Variants in TRERF1 observed in about 807,000 individuals in gnomAD.
The protein encoded by TRERF1 is transcriptional regulating factor 1, also known as transcriptional-regulating factor 1.
Under a neutral mutation model 122.9 loss-of-function variants are expected in TRERF1, and 27 were observed. The observed-to-expected ratio is 0.22, with a 90% CI of 0.16 to 0.30. The LOEUF (loss-of-function observed/expected upper bound fraction) is 0.30, where lower values mean the gene tolerates loss of function less well. Among genes scored for constraint, TRERF1 ranks in the 10% least tolerant of loss-of-function variants. TRERF1 has a pLI of 1.00. For synonymous variants in TRERF1, 636 were observed against 641.7 expected (o/e 0.99, Z 0.13); for missense variants, 1,248 against 1,560.3 (o/e 0.80, Z 3.37).
chr6:42,309,840 G>A (rs913359633), intron 3 of TRERF1, among the ~76,000 whole-genome samples: 4 of 152,100 alleles, frequency 2.6e-5, no homozygotes, highest in African/African-American at 9.7e-5. Flanking sequence ...AGGCTGGAGT[G>A]CAGTGGCATG....
chr6:42,358,323 T>C (rs899275834), intron 3 of TRERF1, among the ~76,000 whole-genome samples: 7 of 152,326 alleles, frequency 4.6e-5, no homozygotes, highest in Middle Eastern at 3.4e-3. Context: ...TCCTTCCTTA[T>C]AAAATAAATT....
intron 4 of TRERF1, among the ~76,000 whole-genome samples, chr6:42,295,504 A>G (rs2150186991): frequency 6.6e-6 from 1 of 152,132 alleles, no homozygotes; most frequent in East Asian, 1.9e-4. Flanking sequence ...GGCTTTCTAA[A>G]CCCCAGTTCC....
At chr6:42,309,554 C>CT (rs1787871688) in intron 3 of TRERF1, among the ~76,000 whole-genome samples, 1 of 152,162 alleles carries the variant, frequency 6.6e-6, no homozygotes, top group African/African-American at 2.4e-5. Flanking sequence ...AAGGTGTGGT[C>CT]TTTAGACCTG....
intron 3 of TRERF1, among the ~76,000 whole-genome samples, chr6:42,321,803 T>G (rs1348925641): frequency 3.3e-5 from 5 of 151,950 alleles, no homozygotes; most frequent in African/African-American, 1.2e-4. Flanking sequence ...AATTTTTAAA[T>G]GTTGGCTGTA....
intron 3 of TRERF1, among the ~76,000 whole-genome samples, chr6:42,301,958 G>A (rs1379687960): frequency 6.6e-6 from 1 of 152,198 alleles, no homozygotes; most frequent in African/African-American, 2.4e-5. Context: ...CAGGAGCTTT[G>A]GGAAAGTGTG....
At chr6:42,260,470 G>A (rs1777631240) in intron 8 of TRERF1, among the ~76,000 whole-genome samples, 1 of 152,108 alleles carries the variant, frequency 6.6e-6, no homozygotes, top group East Asian at 1.9e-4. Context: ...TCTGCCACAT[G>A]GATACATATA....
chr6:42,415,992 C>T (rs902549191), intron 2 of TRERF1, among the ~76,000 whole-genome samples: 5 of 151,898 alleles, frequency 3.3e-5, no homozygotes, highest in Admixed American at 3.3e-4. Context: ...CTTTTATGCC[C>T]GTTGGTAGTG....
chr6:42,322,823 AT>A (rs1763666559), intron 3 of TRERF1, among the ~76,000 whole-genome samples: 1 of 152,036 alleles, frequency 6.6e-6, no homozygotes, highest in Non-Finnish European at 1.5e-5. Flanking sequence ...AAGCAGGGGG[AT>A]TAACGCTCCC....
At chr6:42,387,958 C>T (rs1213197050) in intron 2 of TRERF1, among the ~76,000 whole-genome samples, 1 of 152,188 alleles carries the variant, frequency 6.6e-6, no homozygotes, top group Non-Finnish European at 1.5e-5. Flanking sequence ...CAGGTACATG[C>T]CACCACGCTT....
At chr6:42,419,512 G>A (rs901414291) in intron 2 of TRERF1, among the ~76,000 whole-genome samples, 2 of 152,086 alleles carry the variant, frequency 1.3e-5, no homozygotes, top group African/African-American at 2.4e-5. Flanking sequence ...CAACAAATTA[G>A]GGTTCTAAAG....
chr6:42,314,056 T>C (rs987384308), intron 3 of TRERF1, among the ~76,000 whole-genome samples: 1 of 152,090 alleles, frequency 6.6e-6, no homozygotes, highest in Non-Finnish European at 1.5e-5. Context: ...GGTTTTTTTT[T>C]TGTGCTTATC....
intron 2 of TRERF1, among the ~76,000 whole-genome samples, chr6:42,376,155 G>A (rs1774817728): frequency 6.6e-6 from 1 of 152,110 alleles, no homozygotes; most frequent in South Asian, 2.1e-4. Flanking sequence ...CCAGTTCCAG[G>A]GCACTGAGCA....
chr6:42,430,658 G>A (rs1784361011), intron 2 of TRERF1, among the ~76,000 whole-genome samples: 1 of 152,150 alleles, frequency 6.6e-6, no homozygotes, highest in Non-Finnish European at 1.5e-5. Context: ...CACTTTGGGA[G>A]GCCAAGGTGG....
chr6:42,240,447 G>T (rs1773430137), intron 15 of TRERF1, among the ~76,000 whole-genome samples: 1 of 152,122 alleles, frequency 6.6e-6, no homozygotes, highest in Admixed American at 6.5e-5. Flanking sequence ...AAATCATCTG[G>T]CCATTTTACA....
chr6:42,245,116 A>G (rs1774529274), intron 14 of TRERF1, among the ~76,000 whole-genome samples: 1 of 152,228 alleles, frequency 6.6e-6, no homozygotes, highest in African/African-American at 2.4e-5. Context: ...GTTAAAACCC[A>G]GGTTGCCTGG....
chr6:42,264,644 C>A, intron 7 of TRERF1, 60 bp downstream of exon 7: 1 of 1,586,138 alleles, frequency 6.3e-7, no homozygotes, highest in Non-Finnish European at 8.6e-7. Flanking sequence ...TGTCTGACGG[C>A]AGCAAAGCAA....
chr6:42,255,492 T>G (rs572534324), intron 12 of TRERF1, among the ~76,000 whole-genome samples: 1 of 152,352 alleles, frequency 6.6e-6, no homozygotes, highest in African/African-American at 2.4e-5. Context: ...CTTGCTACTC[T>G]AAGTGTGGTC....
chr6:42,433,100 G>T (rs1271811852), intron 2 of TRERF1, among the ~76,000 whole-genome samples: 1 of 152,128 alleles, frequency 6.6e-6, no homozygotes, highest in Non-Finnish European at 1.5e-5. Context: ...GCTCCTAGAG[G>T]AAAGGGAGGT....
chr6:42,298,322 A>AT (rs1561937046), intron 4 of TRERF1, among the ~76,000 whole-genome samples: 1 of 151,332 alleles, frequency 6.6e-6, no homozygotes, highest in African/African-American at 2.4e-5. Context: ...CACCTGGCCA[A>AT]TTTTTTTATT....
Sources: gnomAD v4.1 joint callset for allele counts (sites outside exome capture counted in the v4.1 genomes callset) on GRCh38, gnomAD v4.1.1 for gene constraint, MANE v1.5 for transcripts, NCBI Gene and HGNC (gene_info 2026-07-23, HGNC 2026-07-21) for gene names.